Variants in TASP1 observed in about 807,000 individuals in gnomAD.
TASP1 encodes the protein threonine aspartase 1.
TASP1 carries 16 observed loss-of-function variants against 56.6 expected under a neutral mutation model. The observed-to-expected ratio is 0.28, with a 90% CI of 0.19 to 0.43. TASP1 has a LOEUF of 0.43. Ranked by LOEUF, TASP1 falls within the 20% of genes least tolerant of loss-of-function variation. The pLI, the probability that TASP1 is intolerant of heterozygous loss-of-function variation, is 1.00. For missense variants in TASP1, 393 were observed against 511.6 expected (o/e 0.77, Z 2.24); for synonymous variants, 179 against 184.2 (o/e 0.97, Z 0.23).
chr20:13,620,747 T>G (rs1386402510), intron 4 of TASP1, among the ~76,000 whole-genome samples: 3 of 152,244 alleles, frequency 2.0e-5, no homozygotes, highest in African/African-American at 7.2e-5. Flanking sequence ...ACATTGTTAA[T>G]ACAGCTCTCC....
At chr20:13,442,149 A>G (rs2146239629) in intron 11 of TASP1, among the ~76,000 whole-genome samples, 1 of 152,100 alleles carries the variant, frequency 6.6e-6, no homozygotes, top group African/African-American at 2.4e-5. Flanking sequence ...CCATAAACTG[A>G]GTCTGTTCTT....
At chr20:13,589,836 C>T (rs2147273747) in intron 4 of TASP1, among the ~76,000 whole-genome samples, 2 of 152,272 alleles carry the variant, frequency 1.3e-5, no homozygotes, top group Middle Eastern at 3.4e-3. Context: ...TATAAATCAA[C>T]AGCAAGCACA....
the TASP1 span, among the ~76,000 whole-genome samples, chr20:13,120,329 C>G: frequency 6.6e-6 from 1 of 152,192 alleles, no homozygotes; most frequent in South Asian, 2.1e-4. Context: ...GATTCCAAAC[C>G]AATGTATACA....
At chr20:13,142,009 C>T in the TASP1 span, among the ~76,000 whole-genome samples, 1 of 152,204 alleles carries the variant, frequency 6.6e-6, no homozygotes, top group Non-Finnish European at 1.5e-5. Flanking sequence ...AGCCAACAAA[C>T]TGAACTCTAG....
At chr20:13,164,378 A>T in the TASP1 span, 2 of 473,828 alleles carry the variant, frequency 4.2e-6, no homozygotes, top group Non-Finnish European at 8.7e-6. Flanking sequence ...TGTCATGAAG[A>T]TATAACTTCA....
the TASP1 span, among the ~76,000 whole-genome samples, chr20:13,106,153 A>G: frequency 6.6e-6 from 1 of 152,222 alleles, no homozygotes; most frequent in African/African-American, 2.4e-5. Context: ...AATATATTGC[A>G]GGTAGGAGAT....
At chr20:13,228,321 C>A in the TASP1 span, among the ~76,000 whole-genome samples, 1 of 152,022 alleles carries the variant, frequency 6.6e-6, no homozygotes, top group Non-Finnish European at 1.5e-5. Flanking sequence ...TTTGCTAGAA[C>A]ACAGTTTCAA....
At chr20:13,614,718 T>C (rs1263248145) in intron 4 of TASP1, 3 of 445,584 alleles carry the variant, frequency 6.7e-6, no homozygotes, top group South Asian at 5.1e-5. Flanking sequence ...GTACAGTTAC[T>C]TGTCAAAAAC....
the TASP1 span, among the ~76,000 whole-genome samples, chr20:13,196,648 T>C: frequency 1.3e-5 from 2 of 152,216 alleles, no homozygotes; most frequent in African/African-American, 4.8e-5. Context: ...TTATTAATCA[T>C]TTTAATATTG....
At chr20:13,501,146 G>C (rs949474584) in intron 10 of TASP1, among the ~76,000 whole-genome samples, 9 of 151,972 alleles carry the variant, frequency 5.9e-5, no homozygotes, top group African/African-American at 1.7e-4. Context: ...AAGCAAAGGG[G>C]AAGTAAAGAT....
chr20:13,460,999 C>T (rs1202514555), intron 11 of TASP1, among the ~76,000 whole-genome samples: 2 of 152,162 alleles, frequency 1.3e-5, no homozygotes, highest in African/African-American at 4.8e-5. Context: ...CTTGCATGGC[C>T]CTTACTACTT....
At chr20:13,448,899 A>C (rs907101545) in intron 11 of TASP1, among the ~76,000 whole-genome samples, 1 of 151,924 alleles carries the variant, frequency 6.6e-6, no homozygotes, top group Admixed American at 6.6e-5. Context: ...AACAAAAAAA[A>C]CCCTTAGTTC....
intron 13 of TASP1, among the ~76,000 whole-genome samples, chr20:13,409,574 A>T (rs1227706519): frequency 6.6e-6 from 1 of 151,930 alleles, no homozygotes; most frequent in African/African-American, 2.4e-5. Flanking sequence ...TTTTTATCTC[A>T]TTTAACTTTT....
chr20:13,513,024 G>A (rs2044394042), intron 10 of TASP1, among the ~76,000 whole-genome samples: 1 of 152,164 alleles, frequency 6.6e-6, no homozygotes, highest in Non-Finnish European at 1.5e-5. Context: ...ATAGTTTGAA[G>A]TCAGGTAGCG....
the TASP1 span, among the ~76,000 whole-genome samples, chr20:13,274,650 C>T: frequency 6.6e-6 from 1 of 151,674 alleles, no homozygotes; most frequent in East Asian, 1.9e-4. Context: ...AGTCCACGTC[C>T]CGCCCCCTCT....
At chr20:13,588,391 T>C (rs1043317875) in intron 4 of TASP1, among the ~76,000 whole-genome samples, 2 of 152,018 alleles carry the variant, frequency 1.3e-5, no homozygotes, top group African/African-American at 4.8e-5. Flanking sequence ...AGTAAAATTG[T>C]CTGTTTCAAG....
At chr20:13,361,023 ATTTCC>A in the TASP1 span, among the ~76,000 whole-genome samples, 1 of 151,936 alleles carries the variant, frequency 6.6e-6, no homozygotes, top group Non-Finnish European at 1.5e-5. Flanking sequence ...AGAACCTCTC[ATTTCC>A]TTTCCATCGT....
At chr20:13,460,593 C>A (rs2044019326) in intron 11 of TASP1, among the ~76,000 whole-genome samples, 1 of 152,088 alleles carries the variant, frequency 6.6e-6, no homozygotes, top group Non-Finnish European at 1.5e-5. Context: ...TGATCTTTCC[C>A]CACAAGACTT....
At chr20:13,194,326 G>A in the TASP1 span, among the ~76,000 whole-genome samples, 1 of 152,144 alleles carries the variant, frequency 6.6e-6, no homozygotes, top group Non-Finnish European at 1.5e-5. Context: ...CAAAAGACAT[G>A]CAAAATCCCT....
Sources: allele counts gnomAD v4.1 joint callset (sites outside exome capture counted in the v4.1 genomes callset), GRCh38; gene constraint gnomAD v4.1.1; transcripts MANE v1.5; gene names NCBI Gene and HGNC (gene_info 2026-07-23, HGNC 2026-07-21).